The following DHRS3 variants were observed in gnomAD, a reference collection of about 807,000 sequenced individuals.
DHRS3 encodes the protein dehydrogenase/reductase 3.
In DHRS3, 14 loss-of-function variants were observed where a neutral mutation model predicts 27.2. The observed-to-expected ratio is 0.52, with a 90% CI of 0.34 to 0.81. The LOEUF is 0.81. Ranked by LOEUF, DHRS3 falls within the 30% of genes least tolerant of loss-of-function variation. The pLI, the probability that DHRS3 is intolerant of heterozygous loss-of-function variation, is 0.01. For synonymous variants in DHRS3, 165 were observed against 175.9 expected, an observed-to-expected ratio of 0.94 and a Z score of 0.49; for missense variants, 322 against 406.2, an observed-to-expected ratio of 0.79 and a Z score of 1.78.
At chr1:12,581,806 GCAGGGGGCTGAACACCGCC>G (rs1646646566) in intron 1 of DHRS3, among the ~76,000 whole-genome samples, 1 of 152,192 alleles carries the variant, frequency 6.6e-6, no homozygotes, top group East Asian at 1.9e-4. Context: ...AGGGAGAAAG[GCAGGGGGCTGAACACCGCC>G]CAGAGGTCAG....
At chr1:12,569,681 T>G (rs1018725207) in intron 5 of DHRS3, among the ~76,000 whole-genome samples, 1 of 152,186 alleles carries the variant, frequency 6.6e-6, no homozygotes, top group African/African-American at 2.4e-5. Context: ...TTTTCCTGCC[T>G]GAGCCTCCTG....
chr1:12,569,250 C>CAT (rs1646514215), intron 5 of DHRS3, among the ~76,000 whole-genome samples: 1 of 151,390 alleles, frequency 6.6e-6, no homozygotes, highest in Non-Finnish European at 1.5e-5. Flanking sequence ...CACACACACA[C>CAT]ACACACACAC....
At position 12,592,844 on chromosome 1, in the gene DHRS3, G is replaced by A. The variant is rs904914128; in HGVS notation, c.196-12178C>T. Among the ~76,000 whole-genome samples the A allele has an allele frequency of 5.3e-5, 8 of 152,140 alleles. No homozygotes were observed. The highest frequency in any genetic ancestry group is 1.0e-4 in the Non-Finnish European group (7 of 68,020). On this transcript the variant is annotated intron_variant, in intron 1 of 5. Coordinates refer to ENST00000616661, the MANE Select transcript of DHRS3 (RefSeq NM_004753.7). The surrounding 1 kb of genome is among the most constrained non-coding windows in gnomAD (Gnocchi z 4.2). ...AGATGCCAAGCTCTTTTTAACCTCC[G>A]AAGGCTCTTCACTGTCCCACATTAA...
intron 1 of DHRS3, among the ~76,000 whole-genome samples, chr1:12,607,811 T>C (rs1646880910): frequency 6.6e-6 from 1 of 152,002 alleles, no homozygotes; most frequent in Admixed American, 6.6e-5. Flanking sequence ...CTTGATGAAG[T>C]TTATGTTGAG....
rs1646889144 is a variant in DHRS3 at position 12,608,970 on chromosome 1, G to C, written c.195+8184C>G. 6.6e-6 allele frequency among the ~76,000 whole-genome samples: 1 copy of C among 152,194 alleles called. No homozygotes were observed. The highest frequency in any genetic ancestry group is 1.5e-5 in the Non-Finnish European group (1 of 68,026). On this transcript the variant is annotated intron_variant, in intron 1 of 5. Transcript: ENST00000616661. This position sits in a 1 kb window ranked among gnomAD's most constrained non-coding sequence, Gnocchi z 4.1. ...CCCTGGATACCTTCCAGTTGGTCAA[G>C]GGCCCTGTCAAAGTGCTGGCCCACA...
intron 4 of DHRS3, among the ~76,000 whole-genome samples, chr1:12,576,479 A>G (rs61776827): frequency 0.24 from 36,210 of 151,618 alleles, 4,562 homozygotes; most frequent in African/African-American, 0.3. Context: ...GGAGAATGGC[A>G]TGAACCCGGG....
At chr1:12,605,981 A>G (rs966954577) in intron 1 of DHRS3, among the ~76,000 whole-genome samples, 2 of 152,072 alleles carry the variant, frequency 1.3e-5, no homozygotes, top group Admixed American at 1.3e-4. Context: ...TCTACTAAAA[A>G]TACAAAAATT....
rs531027306 is a variant in DHRS3, at chr1:12,598,548, C to G, written c.196-17882G>C. Among the ~76,000 whole-genome samples, 6 of 152,296 alleles carry G rather than the reference C, an allele frequency of 3.9e-5. No homozygotes were observed. The East Asian group carries it at 1.2e-3, about 29-fold the overall frequency. ...TTGACACACGCGTTTAGAGCAAGCCCTAATTGGAACCATCATGAGGCTAGT... is the reference window on the plus strand; with the variant it reads ...TTGACACACGCGTTTAGAGCAAGCCGTAATTGGAACCATCATGAGGCTAGT... On this transcript the variant is annotated intron_variant, in intron 1 of 5. Transcript: ENST00000616661.
Position 12,617,518 on chromosome 1 carries a change from AAG to A in DHRS3, c.-172_-171del. On this transcript the variant is annotated 5_prime_UTR_variant, in exon 1 of 6. Transcript: ENST00000616661. ...CAAATGCAAAGCACCGGGTGAGAAA[AAG>A]AAAAAAAAAAAAAAAAAAAAGATAA... The A allele has an allele frequency of 1.1e-4, 36 of 321,862 alleles. No homozygotes were observed. Among genetic ancestry groups the A allele is most frequent in the East Asian group, 3.1e-4 (6 of 19,366 alleles). The allele number at this position is 321,862 out of a possible 1,614,324, so 19.9% of individuals were successfully genotyped here. A position where few individuals can be genotyped will look rare whatever the true frequency, so the allele number is the denominator to read the frequency against.
intron 1 of DHRS3, among the ~76,000 whole-genome samples, chr1:12,598,760 G>A (rs1333687775): frequency 3.3e-5 from 5 of 152,110 alleles, no homozygotes; most frequent in African/African-American, 4.8e-5. Flanking sequence ...ACTTGAACTC[G>A]GCTTCTTTTT....
At chr1:12,582,493 GC>G (rs372452882) in intron 1 of DHRS3, among the ~76,000 whole-genome samples, 1 of 152,176 alleles carries the variant, frequency 6.6e-6, no homozygotes, top group African/African-American at 2.4e-5. Context: ...TCCTTCAAAG[GC>G]AGATGGACTG....
intron 1 of DHRS3, among the ~76,000 whole-genome samples, chr1:12,598,415 A>C (rs1432992839): frequency 6.6e-6 from 1 of 152,170 alleles, no homozygotes; most frequent in Non-Finnish European, 1.5e-5. Flanking sequence ...AACAGTACTC[A>C]TCATAATTAG....
chr1:12,595,194 T>C (rs1646783157), intron 1 of DHRS3, among the ~76,000 whole-genome samples: 2 of 151,838 alleles, frequency 1.3e-5, no homozygotes, highest in South Asian at 4.2e-4. Context: ...GCAGCGGGGG[T>C]GAGCCCAGTT....
chr1:12,585,613 T>C (rs2100677367), intron 1 of DHRS3, among the ~76,000 whole-genome samples: 1 of 152,314 alleles, frequency 6.6e-6, no homozygotes. Flanking sequence ...CCAGCCACTG[T>C]CCCTTCCTGG....
In DHRS3 at chr1:12,592,756, C is replaced by G. The variant is rs999463739; in HGVS notation, c.196-12090G>C. Among the ~76,000 whole-genome samples the G allele has an allele frequency of 6.6e-6, 1 of 152,206 alleles. No homozygotes were observed. Among genetic ancestry groups the G allele is most frequent in the Non-Finnish European group, 1.5e-5 (1 of 68,034 alleles). On this transcript the variant is annotated intron_variant, in intron 1 of 5. Transcript: ENST00000616661. The surrounding 1 kb of genome is among the most constrained non-coding windows in gnomAD (Gnocchi z 4.2). Reference sequence around the variant, plus strand: ...TAGAGGAGGCCAAGCGAGGCCCAGCCCCAGGCTCCCGAGGCTGGGAAGTGA... The same window carrying G: ...TAGAGGAGGCCAAGCGAGGCCCAGCGCCAGGCTCCCGAGGCTGGGAAGTGA...
Position 12,568,276 on chromosome 1 carries a change from G to T in DHRS3, c.*64C>A, listed in dbSNP as rs1007464765. ...AGCATGCCAATGGACAGGTGCTCGG[G>T]TGTGTGCCCAGGTGCTGTGGCCCCC... On this transcript the variant is annotated 3_prime_UTR_variant, in exon 6 of 6. Coordinates refer to ENST00000616661, the MANE Select transcript of DHRS3 (RefSeq NM_004753.7). 88 of 1,440,240 alleles carry T rather than the reference G, an allele frequency of 6.1e-5. No individual in the cohort carries two copies. Among genetic ancestry groups the T allele is most frequent in the Middle Eastern group, 1.7e-4 (1 of 5,722 alleles). The allele number at this position is 1,440,240 out of a possible 1,614,324, so 89.2% of individuals were successfully genotyped here. A position where few individuals can be genotyped will look rare whatever the true frequency, so the allele number is the denominator to read the frequency against.
chr1:12,615,178 GTAGCTCCAGAAGCCTCATTATA>G (rs1646936606), intron 1 of DHRS3, among the ~76,000 whole-genome samples: 1 of 151,188 alleles, frequency 6.6e-6, no homozygotes, highest in African/African-American at 2.4e-5. Flanking sequence ...TCATTATAAA[GTAGCTCCAGAAGCCTCATTATA>G]AAGTAGCTCC....
chr1:12,602,035 T>C (rs1357380466), intron 1 of DHRS3, among the ~76,000 whole-genome samples: 1 of 152,100 alleles, frequency 6.6e-6, no homozygotes, highest in Non-Finnish European at 1.5e-5. Context: ...ACTTGGTGAG[T>C]GAGAGGGCAT....
rs1443622627 is a variant in DHRS3 at position 12,593,751 on chromosome 1, C to G, written c.196-13085G>C. Among the ~76,000 whole-genome samples, 1 of 152,200 alleles carries G rather than the reference C, an allele frequency of 6.6e-6. No individual in the cohort carries two copies. The highest frequency in any genetic ancestry group is 1.5e-5 in the Non-Finnish European group (1 of 68,034). On this transcript the variant is annotated intron_variant, in intron 1 of 5. Coordinates refer to ENST00000616661, the MANE Select transcript of DHRS3 (RefSeq NM_004753.7). The surrounding 1 kb of genome is among the most constrained non-coding windows in gnomAD (Gnocchi z 4.6). ...TACGTGACAACTGGGCAGTCTCCACCTCATCCCTGGGTGTGATTCTTGCGA... is the reference window on the plus strand; with the variant it reads ...TACGTGACAACTGGGCAGTCTCCACGTCATCCCTGGGTGTGATTCTTGCGA...
Sources: allele counts gnomAD v4.1 joint callset (sites outside exome capture counted in the v4.1 genomes callset), GRCh38; gene constraint gnomAD v4.1.1; non-coding constraint Gnocchi (gnomAD v3.1); transcripts MANE v1.5; gene names NCBI Gene and HGNC (gene_info 2026-07-23, HGNC 2026-07-21).